STPG2: variants seen among roughly 807,000 people sequenced by gnomAD.
The protein encoded by STPG2 is sperm-tail PG-rich repeat-containing protein 2.
A neutral mutation model predicts 54.2 loss-of-function variants in STPG2; 56 were observed. That is an observed-to-expected ratio of 1.03 (90% confidence interval 0.83 to 1.29). The LOEUF (loss-of-function observed/expected upper bound fraction) is 1.29. Ranked by LOEUF, STPG2 falls within the 50% of genes most tolerant of loss-of-function variation. The pLI is 0.00. For missense variants in STPG2, 596 were observed against 544.9 expected (o/e 1.09, Z -0.93); for synonymous variants, 200 against 181.8 (o/e 1.10, Z -0.81).
At chr4:97,942,494 T>C (rs867036058) in intron 8 of STPG2, among the ~76,000 whole-genome samples, 1 of 122,610 alleles carries the variant, frequency 8.2e-6, no homozygotes, top group Non-Finnish European at 1.8e-5. Flanking sequence ...TTTTAAACTG[T>C]CTTTTGAATT....
At chr4:97,677,417 A>G (rs1425787538) in intron 10 of STPG2, among the ~76,000 whole-genome samples, 1 of 152,128 alleles carries the variant, frequency 6.6e-6, no homozygotes, top group Non-Finnish European at 1.5e-5. Context: ...ATAGTTTATA[A>G]AGCCAGATTT....
chr4:97,465,443 T>C (rs1027050247), intron 4 of STPG2, among the ~76,000 whole-genome samples: 1 of 152,190 alleles, frequency 6.6e-6, no homozygotes, highest in African/African-American at 2.4e-5. Context: ...TTGAAAAATA[T>C]ATCTGTTCTT....
intron 5 of STPG2, among the ~76,000 whole-genome samples, chr4:98,095,299 T>C (rs1377447501): frequency 6.6e-6 from 1 of 152,112 alleles, no homozygotes; most frequent in Admixed American, 6.5e-5. Context: ...AATAACAAAA[T>C]GGCAGACGTC....
At chr4:97,518,646 C>T (rs776342785) in intron 4 of STPG2, among the ~76,000 whole-genome samples, 2 of 152,048 alleles carry the variant, frequency 1.3e-5, no homozygotes, top group African/African-American at 2.4e-5. Flanking sequence ...ACGATCCATT[C>T]AGGGCGACAA....
chr4:97,725,954 G>A (rs565915280), intron 9 of STPG2, among the ~76,000 whole-genome samples: 7 of 151,874 alleles, frequency 4.6e-5, no homozygotes, highest in Admixed American at 2.0e-4. Flanking sequence ...CCTTCTGATC[G>A]TATTGGCATC....
intron 10 of STPG2, among the ~76,000 whole-genome samples, chr4:97,708,983 T>G (rs1221759816): frequency 2.0e-5 from 3 of 151,846 alleles, no homozygotes; most frequent in African/African-American, 4.8e-5. Context: ...GAATAGATAT[T>G]TAAATGAAAC....
intron 4 of STPG2, among the ~76,000 whole-genome samples, chr4:97,466,692 C>T (rs1729796050): frequency 6.6e-6 from 1 of 151,772 alleles, no homozygotes; most frequent in Non-Finnish European, 1.5e-5. Context: ...CATACCTTCC[C>T]AGAGTTTAAC....
At chr4:98,123,419 T>C (rs1739741423) in intron 3 of STPG2, among the ~76,000 whole-genome samples, 1 of 152,232 alleles carries the variant, frequency 6.6e-6, no homozygotes, top group African/African-American at 2.4e-5. Context: ...AAGAACTTCT[T>C]GATTTATGCC....
Position 97,887,379 on chromosome 4 carries a change from A to C in STPG2, c.1045-46447T>G, listed in dbSNP as rs146693418. 6.6e-4 allele frequency among the ~76,000 whole-genome samples: 100 copies of C among 152,254 alleles called. 1 individual carries two copies. In the South Asian group the frequency reaches 9.3e-3, roughly 14 times the overall value. On this transcript the variant is annotated intron_variant, in intron 8 of 10. Transcript: ENST00000295268. ...GACAAGATCTCAGATGGAGATGAGG[A>C]ACTTATTGGGAACTGGAGTAACAAT...
intron 10 of STPG2, among the ~76,000 whole-genome samples, chr4:97,700,688 G>A (rs554345196): frequency 7.2e-5 from 11 of 152,352 alleles, no homozygotes; most frequent in African/African-American, 2.6e-4. Context: ...GAAGTGGAAA[G>A]TGATCAGGGT....
intron 1 of STPG2, among the ~76,000 whole-genome samples, chr4:98,141,701 C>T (rs10461131): frequency 6.6e-6 from 1 of 152,142 alleles, no homozygotes; most frequent in African/African-American, 2.4e-5. Context: ...GGCACATGTT[C>T]TCAGGACCTC....
intron 8 of STPG2, among the ~76,000 whole-genome samples, chr4:97,842,655 T>C (rs1234721282): frequency 2.0e-5 from 3 of 151,898 alleles, no homozygotes; most frequent in Non-Finnish European, 4.4e-5. Context: ...TTTTTTTTAA[T>C]AACTTGAAGC....
intron 10 of STPG2, among the ~76,000 whole-genome samples, chr4:97,712,220 G>T (rs973027044): frequency 4.6e-5 from 7 of 152,118 alleles, no homozygotes; most frequent in African/African-American, 1.7e-4. Flanking sequence ...TTCAGGTTAT[G>T]ATCAGAAGGT....
At chr4:98,012,080 G>A (rs955593515) in intron 5 of STPG2, among the ~76,000 whole-genome samples, 3 of 152,122 alleles carry the variant, frequency 2.0e-5, no homozygotes, top group African/African-American at 7.2e-5. Flanking sequence ...GGCTTTTATG[G>A]TTTGAAGTTT....
At chr4:97,743,731 G>A (rs545722813) in intron 9 of STPG2, among the ~76,000 whole-genome samples, 1 of 151,756 alleles carries the variant, frequency 6.6e-6, no homozygotes, top group South Asian at 2.1e-4. Flanking sequence ...ATATATGCCT[G>A]TAATGCAAGA....
At chr4:97,953,195 C>T (rs796411557) in intron 7 of STPG2, among the ~76,000 whole-genome samples, 2 of 152,122 alleles carry the variant, frequency 1.3e-5, no homozygotes, top group Non-Finnish European at 2.9e-5. Context: ...AATTCGTTGG[C>T]CACTAGAGTA....
intron 8 of STPG2, among the ~76,000 whole-genome samples, chr4:97,921,572 A>G (rs1247578358): frequency 2.6e-5 from 4 of 152,034 alleles, no homozygotes; most frequent in Non-Finnish European, 5.9e-5. Flanking sequence ...GTGAGCATGA[A>G]GATAGGTTAT....
At chr4:97,924,477 T>C (rs1373800023) in intron 8 of STPG2, among the ~76,000 whole-genome samples, 1 of 152,242 alleles carries the variant, frequency 6.6e-6, no homozygotes, top group Non-Finnish European at 1.5e-5. Context: ...AATTTTAATA[T>C]TCTGAATTGG....
intron 10 of STPG2, among the ~76,000 whole-genome samples, chr4:97,689,261 A>T (rs1025577479): frequency 1.3e-5 from 2 of 152,196 alleles, no homozygotes; most frequent in African/African-American, 4.8e-5. Context: ...TAATAAACAT[A>T]GTAAATATTT....
Sources: allele counts gnomAD v4.1 joint callset (sites outside exome capture counted in the v4.1 genomes callset), GRCh38; gene constraint gnomAD v4.1.1; transcripts MANE v1.5; gene names NCBI Gene and HGNC (gene_info 2026-07-23, HGNC 2026-07-21).